IMMP2L: variants seen among roughly 807,000 people sequenced by gnomAD.
IMMP2L encodes the protein inner mitochondrial membrane peptidase subunit 2.
In IMMP2L, 18 loss-of-function variants were observed where a neutral mutation model predicts 19.3. The ratio of observed to expected loss-of-function variants is 0.93; its 90% CI spans 0.64 to 1.38. IMMP2L has a LOEUF of 1.38. IMMP2L is among the 40% of genes most tolerant of loss of function. The pLI, the probability that IMMP2L is intolerant of heterozygous loss-of-function variation, is 0.00. For missense variants in IMMP2L, 233 were observed against 218.2 expected, an observed-to-expected ratio of 1.07 and a Z score of -0.43; for synonymous variants, 76 against 73.0, an observed-to-expected ratio of 1.04 and a Z score of -0.21.
chr7:111,411,747 C>A, intron 3 of IMMP2L: 1 of 199,692 alleles, frequency 5.0e-6, no homozygotes, highest in South Asian at 8.8e-5. Flanking sequence ...TCTCTACTCT[C>A]TCTCTACAAG....
At chr7:110,706,631 T>C (rs911803385) in intron 5 of IMMP2L, among the ~76,000 whole-genome samples, 3 of 152,324 alleles carry the variant, frequency 2.0e-5, no homozygotes, top group South Asian at 2.1e-4. Flanking sequence ...TTTTCATGCT[T>C]GTTGGCTACT....
At chr7:111,502,786 C>A (rs1338013147) in intron 2 of IMMP2L, among the ~76,000 whole-genome samples, 1 of 150,898 alleles carries the variant, frequency 6.6e-6, no homozygotes, top group Non-Finnish European at 1.5e-5. Flanking sequence ...AACAAAGACA[C>A]AACATACCAG....
At chr7:111,401,693 T>G (rs1409696863) in intron 3 of IMMP2L, among the ~76,000 whole-genome samples, 1 of 152,094 alleles carries the variant, frequency 6.6e-6, no homozygotes, top group African/African-American at 2.4e-5. Flanking sequence ...AGAAAAATGT[T>G]AAGCAAGTCA....
intron 3 of IMMP2L, among the ~76,000 whole-genome samples, chr7:111,249,868 A>G (rs1468898400): frequency 6.6e-6 from 1 of 152,166 alleles, no homozygotes; most frequent in African/African-American, 2.4e-5. Flanking sequence ...ACCTCTTTCA[A>G]CATTCCCGTT....
intron 3 of IMMP2L, among the ~76,000 whole-genome samples, chr7:110,975,394 T>C (rs1820588309): frequency 6.6e-6 from 1 of 152,152 alleles, no homozygotes; most frequent in Admixed American, 6.6e-5. Flanking sequence ...ATCATGGCTG[T>C]GGCTATGTGT....
chr7:110,725,750 G>A (rs772849211), intron 5 of IMMP2L: 1 of 152,186 alleles, frequency 6.6e-6, no homozygotes, highest in Non-Finnish European at 1.5e-5. Flanking sequence ...TTCATTCTGA[G>A]TCCATGGATT....
chr7:111,399,351 C>G (rs533307246), intron 3 of IMMP2L, among the ~76,000 whole-genome samples: 1 of 151,986 alleles, frequency 6.6e-6, no homozygotes, highest in South Asian at 2.1e-4. Flanking sequence ...AATTGGTCTT[C>G]AACAAAGCAA....
At chr7:111,108,499 T>C (rs214882) in intron 3 of IMMP2L, among the ~76,000 whole-genome samples, 13,983 of 152,126 alleles carry the variant, frequency 0.092, 1,474 homozygotes, top group African/African-American at 0.26. Context: ...AATTGAAAAC[T>C]ATATCTCAAG....
intron 5 of IMMP2L, among the ~76,000 whole-genome samples, chr7:110,677,678 A>C (rs997174564): frequency 5.9e-5 from 9 of 152,188 alleles, no homozygotes; most frequent in Non-Finnish European, 1.0e-4. Flanking sequence ...ACTATGCTGA[A>C]GGCAAACAAG....
intron 2 of IMMP2L, among the ~76,000 whole-genome samples, chr7:111,493,304 C>T (rs1050320948): frequency 2.0e-5 from 3 of 152,014 alleles, no homozygotes. Context: ...TGAATATCAA[C>T]AAAACATCAT....
At chr7:111,089,656 A>G (rs1395057578) in intron 3 of IMMP2L, among the ~76,000 whole-genome samples, 1 of 152,128 alleles carries the variant, frequency 6.6e-6, no homozygotes, top group African/African-American at 2.4e-5. Context: ...GTGCTTTCTG[A>G]GTAAATACTA....
At chr7:111,153,695 G>A (rs1804321850) in intron 3 of IMMP2L, among the ~76,000 whole-genome samples, 1 of 151,798 alleles carries the variant, frequency 6.6e-6, no homozygotes. Context: ...CAGGAAAAAA[G>A]GTACTCACCT....
intron 4 of IMMP2L, among the ~76,000 whole-genome samples, chr7:110,935,631 C>T (rs1816017124): frequency 6.6e-6 from 1 of 151,972 alleles, no homozygotes; most frequent in Non-Finnish European, 1.5e-5. Flanking sequence ...CTTTCAGGTA[C>T]ACCAAAAAAT....
intron 3 of IMMP2L, among the ~76,000 whole-genome samples, chr7:111,003,188 T>C (rs79315063): frequency 0.012 from 1,898 of 152,282 alleles, 31 homozygotes; most frequent in African/African-American, 0.043. Context: ...TCTAAAACTG[T>C]TATTACTAAT....
rs137966233 is a variant in IMMP2L at position 110,663,655 on chromosome 7, A to G, written c.475T>C (p.Leu159=). The G allele has an allele frequency of 1.6e-5, 26 of 1,611,516 alleles. No individual in the cohort carries two copies. The highest frequency in any genetic ancestry group is 2.0e-5 in the Non-Finnish European group (23 of 1,178,322). Residue 159 remains leucine (L), a synonymous_variant, in exon 6 of 6, where the codon TTG becomes CTG. Coordinates refer to ENST00000405709, the MANE Select transcript of IMMP2L (RefSeq NM_032549.4). ...ILWPPERWQK[L]ESVLPPERLP... ...CGCTCTGGAGGAAGAACAGATTCCA[A>G]TTTCTGCCAGCGCTCTGGGGGCCAC...
intron 2 of IMMP2L, among the ~76,000 whole-genome samples, chr7:111,499,390 T>C (rs916068802): frequency 8.5e-5 from 13 of 152,160 alleles, no homozygotes; most frequent in African/African-American, 3.1e-4. Flanking sequence ...GCAAAATACA[T>C]ATAACCCTTC....
In IMMP2L at chr7:111,543,602, C is replaced by T. The variant is rs185850601; in HGVS notation, c.-3+18249G>A. On this transcript the variant is annotated intron_variant, in intron 1 of 5. Coordinates refer to ENST00000405709, the MANE Select transcript of IMMP2L (RefSeq NM_032549.4). ...AAAAATTAGCTAGAAGATCATGTTA[C>T]CCTAAAATTAAATTTTATTTGAGAG... is the stretch of plus-strand genomic sequence containing the variant. Among the ~76,000 whole-genome samples the T allele has an allele frequency of 2.6e-4, 39 of 152,204 alleles. 1 individual carries two copies. The highest frequency in any genetic ancestry group is 5.0e-4 in the Non-Finnish European group (34 of 68,016).
intron 5 of IMMP2L, among the ~76,000 whole-genome samples, chr7:110,703,739 C>T (rs1794449123): frequency 6.6e-6 from 1 of 152,074 alleles, no homozygotes; most frequent in South Asian, 2.1e-4. Context: ...ATGAAGAATA[C>T]TGCTTATATA....
chr7:110,850,177 A>G (rs1461764326), intron 5 of IMMP2L, among the ~76,000 whole-genome samples: 1 of 152,076 alleles, frequency 6.6e-6, no homozygotes, highest in African/African-American at 2.4e-5. Flanking sequence ...AGGGTAGGAG[A>G]CTGGTAGGAC....
Sources: gnomAD v4.1 joint callset for allele counts (sites outside exome capture counted in the v4.1 genomes callset) on GRCh38, gnomAD v4.1.1 for gene constraint, MANE v1.5 for transcripts, NCBI Gene and HGNC (gene_info 2026-07-23, HGNC 2026-07-21) for gene names.